GABBR2: variants seen among roughly 807,000 people sequenced by gnomAD.
GABBR2 encodes the protein gamma-aminobutyric acid type B receptor subunit 2, also known as G-protein coupled receptor 51.
Under a neutral mutation model 105.6 loss-of-function variants are expected in GABBR2, and 23 were observed. The observed-to-expected ratio is 0.22, with a 90% CI of 0.16 to 0.31. The LOEUF (loss-of-function observed/expected upper bound fraction) is 0.31, where lower values mean the gene tolerates loss of function less well. GABBR2 is among the 10% of genes least tolerant of loss of function. The pLI is 1.00. For synonymous variants in GABBR2, 478 were observed against 499.7 expected (o/e 0.96, Z 0.58); for missense variants, 734 against 1,245.5 (o/e 0.59, Z 6.18).
intron 1 of GABBR2, among the ~76,000 whole-genome samples, chr9:98,614,956 T>C (rs1829559369): frequency 6.6e-6 from 1 of 152,240 alleles, no homozygotes; most frequent in Non-Finnish European, 1.5e-5. Context: ...CCTCTGCCTG[T>C]TGTTCTCTCA....
intron 6 of GABBR2, among the ~76,000 whole-genome samples, chr9:98,463,992 A>G (rs1588174592): frequency 6.6e-6 from 1 of 151,702 alleles, no homozygotes; most frequent in Non-Finnish European, 1.5e-5. Flanking sequence ...TACAACCTCC[A>G]CCTCCCAGCC....
At chr9:98,563,404 G>T (rs1246980776) in intron 2 of GABBR2, among the ~76,000 whole-genome samples, 1 of 152,206 alleles carries the variant, frequency 6.6e-6, no homozygotes, top group Non-Finnish European at 1.5e-5. Flanking sequence ...GGCAGCGAGG[G>T]TTACCGGTTA....
In GABBR2 at chr9:98,290,761, G is replaced by T. The variant is rs1361369900; in HGVS notation, c.2661-12C>A. The T allele has an allele frequency of 2.0e-6, 3 of 1,465,944 alleles. No homozygotes were observed. In the Admixed American group the frequency reaches 9.5e-5, roughly 46 times the overall value. 90.8% of individuals were successfully genotyped at this position (1,465,944 alleles called of 1,614,324 possible). ...GCCGACGCTGGATGCTGAAGAGAAG[G>T]AGAGGGAGGAGTGTTAGTGAAGGGT... On this transcript the variant is annotated splice_polypyrimidine_tract_variant and intron_variant, in intron 18 of 18. Coordinates refer to ENST00000259455, the MANE Select transcript of GABBR2 (RefSeq NM_005458.8).
At chr9:98,414,360 T>C (rs1287580886) in intron 7 of GABBR2, among the ~76,000 whole-genome samples, 1 of 152,052 alleles carries the variant, frequency 6.6e-6, no homozygotes, top group Non-Finnish European at 1.5e-5. Flanking sequence ...GGAAAGAGAT[T>C]GGGAAATCCA....
At chr9:98,385,605 T>C (rs1219710301) in intron 11 of GABBR2, 35 bp downstream of exon 11, 1 of 1,589,048 alleles carries the variant, frequency 6.3e-7, no homozygotes, top group African/African-American at 1.4e-5. Context: ...GGAAACTTTC[T>C]ATCATATACC....
At chr9:98,693,383 G>A (rs1830709216) in intron 1 of GABBR2, among the ~76,000 whole-genome samples, 1 of 152,182 alleles carries the variant, frequency 6.6e-6, no homozygotes, top group South Asian at 2.1e-4. Context: ...GTGGTAGCAG[G>A]GGGCTCCAGT....
intron 3 of GABBR2, among the ~76,000 whole-genome samples, chr9:98,515,761 C>G (rs1428387931): frequency 6.7e-6 from 1 of 148,396 alleles, no homozygotes; most frequent in Non-Finnish European, 1.5e-5. Flanking sequence ...GGCGACACAC[C>G]AGGATTGACT....
In GABBR2 at chr9:98,464,130, G is replaced by A. The variant is rs185682530; in HGVS notation, c.999+9016C>T. On this transcript the variant is annotated intron_variant, in intron 6 of 18. Transcript: ENST00000259455. ...ATGTGAGGAGCCCCTCTGCCCGGCC[G>A]CCCCGTCTGGGAGGTGAGGAGCGCC... is the stretch of plus-strand genomic sequence containing the variant. 1.9e-4 allele frequency among the ~76,000 whole-genome samples: 29 copies of A among 151,762 alleles called. No homozygotes were observed. The East Asian group carries it at 5.1e-3, about 27-fold the overall frequency.
chr9:98,594,450 G>A (rs879351973), intron 1 of GABBR2, among the ~76,000 whole-genome samples: 13 of 152,170 alleles, frequency 8.5e-5, no homozygotes, highest in Admixed American at 3.3e-4. Context: ...CTTGCTAGAC[G>A]GACAGACCAG....
At chr9:98,680,927 T>C (rs187643360) in intron 1 of GABBR2, among the ~76,000 whole-genome samples, 35 of 152,320 alleles carry the variant, frequency 2.3e-4, no homozygotes, top group Admixed American at 2.1e-3. Context: ...GAGAAATATG[T>C]ATCATTAGAA....
At chr9:98,513,560 A>G (rs376480432) in intron 3 of GABBR2, among the ~76,000 whole-genome samples, 2 of 151,918 alleles carry the variant, frequency 1.3e-5, no homozygotes, top group African/African-American at 2.4e-5. Flanking sequence ...AATTTTACAA[A>G]AAAAAAACAA....
chr9:98,350,710 C>G (rs13440113), intron 13 of GABBR2, among the ~76,000 whole-genome samples: 1 of 152,194 alleles, frequency 6.6e-6, no homozygotes, highest in Non-Finnish European at 1.5e-5. Flanking sequence ...AACGTGTATT[C>G]TGTAGCCATT....
intron 7 of GABBR2, among the ~76,000 whole-genome samples, chr9:98,406,591 C>G (rs1163292976): frequency 6.6e-6 from 1 of 152,174 alleles, no homozygotes; most frequent in Non-Finnish European, 1.5e-5. Context: ...CAGAAGGGTG[C>G]TAGAGGTCTG....
chr9:98,600,009 C>A (rs146195152), intron 1 of GABBR2, among the ~76,000 whole-genome samples: 2 of 152,256 alleles, frequency 1.3e-5, no homozygotes, highest in Non-Finnish European at 2.9e-5. Context: ...GGGGCAGGCA[C>A]GCGCTGGCTA....
intron 7 of GABBR2, among the ~76,000 whole-genome samples, chr9:98,428,428 A>G (rs1294031878): frequency 6.6e-6 from 1 of 152,212 alleles, no homozygotes; most frequent in Non-Finnish European, 1.5e-5. Context: ...CTGGACTCCA[A>G]TCTCTTGCCT....
intron 4 of GABBR2, among the ~76,000 whole-genome samples, chr9:98,482,108 C>T (rs553126493): frequency 6.6e-6 from 1 of 152,370 alleles, no homozygotes; most frequent in South Asian, 2.1e-4. Context: ...GAGGCCCAGC[C>T]TTGCAGGTGG....
intron 1 of GABBR2, among the ~76,000 whole-genome samples, chr9:98,630,604 A>G (rs1829802946): frequency 6.6e-6 from 1 of 152,208 alleles, no homozygotes; most frequent in South Asian, 2.1e-4. Context: ...ATCAAAACAC[A>G]GATAGCCAAA....
At chr9:98,458,020 T>C (rs1446696300) in intron 6 of GABBR2, among the ~76,000 whole-genome samples, 5 of 152,240 alleles carry the variant, frequency 3.3e-5, no homozygotes, top group Admixed American at 3.3e-4. Context: ...GCCTCCAGAA[T>C]ATTTTTTAAA....
At chr9:98,507,044 C>T (rs997341215) in intron 3 of GABBR2, among the ~76,000 whole-genome samples, 5 of 152,154 alleles carry the variant, frequency 3.3e-5, no homozygotes, top group East Asian at 3.9e-4. Context: ...TTCAAGAAGG[C>T]AACTGGGGCT....
Sources: gnomAD v4.1 joint callset for allele counts (sites outside exome capture counted in the v4.1 genomes callset) on GRCh38, gnomAD v4.1.1 for gene constraint, MANE v1.5 for transcripts, NCBI Gene and HGNC (gene_info 2026-07-23, HGNC 2026-07-21) for gene names.